PCSK2: variants seen among roughly 807,000 people sequenced by gnomAD.
PCSK2 encodes the protein neuroendocrine convertase 2.
In PCSK2, 14 loss-of-function variants were observed where a neutral mutation model predicts 69.7. That is an observed-to-expected ratio of 0.20 (90% confidence interval 0.13 to 0.31). The LOEUF (loss-of-function observed/expected upper bound fraction) is 0.31, where lower values mean the gene tolerates loss of function less well. Ranked by LOEUF, PCSK2 falls within the 10% of genes least tolerant of loss-of-function variation. PCSK2 has a pLI of 1.00. For missense variants in PCSK2, 544 were observed against 842.5 expected (o/e 0.65, Z 4.39); for synonymous variants, 307 against 320.7 (o/e 0.96, Z 0.46).
At chr20:17,473,759 G>A (rs1299115556) in intron 11 of PCSK2, among the ~76,000 whole-genome samples, 1 of 152,124 alleles carries the variant, frequency 6.6e-6, no homozygotes, top group Non-Finnish European at 1.5e-5. Flanking sequence ...ACCTGTGAGG[G>A]GAGAATGGTG....
In PCSK2 at chr20:17,437,781, C is replaced by G. The variant is rs556687006; in HGVS notation, c.885+898C>G. Among the ~76,000 whole-genome samples the G allele has an allele frequency of 3.3e-5, 5 of 152,350 alleles. No individual in the cohort carries two copies. In the South Asian group the frequency reaches 1.0e-3, roughly 32 times the overall value. ...GGATGCTCTGGGTCAGGAATTTGGACCGGGCACACTGGGGATGGCTCATCC... is the reference window on the plus strand; with the variant it reads ...GGATGCTCTGGGTCAGGAATTTGGAGCGGGCACACTGGGGATGGCTCATCC... On this transcript the variant is annotated intron_variant, in intron 8 of 11. Transcript: ENST00000262545.
At chr20:17,238,941 G>T (rs888996076) in intron 1 of PCSK2, among the ~76,000 whole-genome samples, 8 of 152,010 alleles carry the variant, frequency 5.3e-5, no homozygotes, top group African/African-American at 1.9e-4. Context: ...TAAATACTGA[G>T]AAAAAAATTT....
At chr20:17,314,850 AGT>A (rs745338883) in intron 2 of PCSK2, among the ~76,000 whole-genome samples, 32 of 152,344 alleles carry the variant, frequency 2.1e-4, no homozygotes, top group Non-Finnish European at 3.4e-4. Context: ...TACTAATAGA[AGT>A]GTGACTCCTT....
chr20:17,228,870 G>A (rs1416819917), intron 1 of PCSK2, among the ~76,000 whole-genome samples: 2 of 152,144 alleles, frequency 1.3e-5, no homozygotes, highest in Non-Finnish European at 2.9e-5. Flanking sequence ...GCGCGCGGGC[G>A]GGTCTTGCGG....
intron 5 of PCSK2, among the ~76,000 whole-genome samples, chr20:17,387,629 T>C (rs2031270989): frequency 6.6e-6 from 1 of 152,168 alleles, no homozygotes; most frequent in South Asian, 2.1e-4. Flanking sequence ...TACAATATCT[T>C]TTACGATCTA....
chr20:17,476,835 C>T (rs1166733223), intron 11 of PCSK2, among the ~76,000 whole-genome samples: 1 of 152,150 alleles, frequency 6.6e-6, no homozygotes, highest in African/African-American at 2.4e-5. Flanking sequence ...TTGAGAAATC[C>T]AGGTTATGGC....
chr20:17,432,944 A>T (rs2032398989), intron 7 of PCSK2, among the ~76,000 whole-genome samples: 1 of 152,186 alleles, frequency 6.6e-6, no homozygotes, highest in Admixed American at 6.5e-5. Flanking sequence ...CTCATGAAAG[A>T]GGACAGAGAG....
At chr20:17,457,794 G>A (rs1171995480) in intron 10 of PCSK2, among the ~76,000 whole-genome samples, 1 of 152,230 alleles carries the variant, frequency 6.6e-6, no homozygotes, top group Non-Finnish European at 1.5e-5. Flanking sequence ...CAGAGCCAGG[G>A]AACAGGAGTG....
intron 10 of PCSK2, among the ~76,000 whole-genome samples, chr20:17,460,255 A>G (rs987362417): frequency 1.3e-5 from 2 of 151,792 alleles, no homozygotes; most frequent in Admixed American, 6.6e-5. Flanking sequence ...GAGAGAGAGA[A>G]AGAAAGAGAA....
chr20:17,282,156 CAT>C (rs924294264), intron 2 of PCSK2, among the ~76,000 whole-genome samples: 11 of 151,548 alleles, frequency 7.3e-5, no homozygotes, highest in African/African-American at 2.2e-4. Flanking sequence ...TATATATTTA[CAT>C]ATATATATAT....
At chr20:17,270,414 T>C (rs775304418) in intron 2 of PCSK2, among the ~76,000 whole-genome samples, 3 of 152,086 alleles carry the variant, frequency 2.0e-5, no homozygotes, top group Admixed American at 6.6e-5. Flanking sequence ...CAGGAGAGGA[T>C]AACAGTGCAG....
intron 2 of PCSK2, among the ~76,000 whole-genome samples, chr20:17,334,364 G>GAATCCATGGTACAATGAGA: frequency 6.6e-6 from 1 of 152,118 alleles, no homozygotes; most frequent in South Asian, 2.1e-4. Flanking sequence ...CTGGAAATGA[G>GAATCCATGGTACAATGAGA]CATGGTACAA....
intron 2 of PCSK2, among the ~76,000 whole-genome samples, chr20:17,269,447 T>C (rs1408006524): frequency 6.6e-6 from 1 of 152,164 alleles, no homozygotes; most frequent in Non-Finnish European, 1.5e-5. Context: ...CTCGTCTACA[T>C]TTTACCATAG....
intron 8 of PCSK2, among the ~76,000 whole-genome samples, chr20:17,448,893 C>CTTTTTTT (rs11468966): frequency 2.2e-5 from 3 of 136,462 alleles, no homozygotes; most frequent in African/African-American, 2.7e-5. Context: ...ATGCACTTGC[C>CTTTTTTT]TTTTTTTTTT....
chr20:17,230,663 G>C (rs919898634), intron 1 of PCSK2, among the ~76,000 whole-genome samples: 1 of 151,878 alleles, frequency 6.6e-6, no homozygotes, highest in Non-Finnish European at 1.5e-5. Context: ...ATGGGTACGT[G>C]TATTTATGTC....
At chr20:17,336,908 C>A (rs893234635) in intron 2 of PCSK2, among the ~76,000 whole-genome samples, 3 of 152,050 alleles carry the variant, frequency 2.0e-5, no homozygotes, top group Non-Finnish European at 4.4e-5. Context: ...TTGGTTATAC[C>A]CTTGGAAATG....
chr20:17,259,069 T>C (rs1011842857), intron 1 of PCSK2, among the ~76,000 whole-genome samples: 1 of 152,058 alleles, frequency 6.6e-6, no homozygotes, highest in Non-Finnish European at 1.5e-5. Flanking sequence ...CTATGTGATC[T>C]AAAAATCTCA....
intron 6 of PCSK2, 120 bp from the exon 7 acceptor site, chr20:17,429,315 G>T: frequency 2.7e-6 from 2 of 735,078 alleles, no homozygotes; most frequent in Admixed American, 3.9e-5. Flanking sequence ...AGTGACACAG[G>T]GTTTACTTGT....
intron 1 of PCSK2, among the ~76,000 whole-genome samples, chr20:17,230,490 T>G (rs1162697240): frequency 6.6e-6 from 1 of 152,192 alleles, no homozygotes. Flanking sequence ...AACTGAAAAA[T>G]AATTGCTTTT....
Sources: allele counts gnomAD v4.1 joint callset (sites outside exome capture counted in the v4.1 genomes callset), GRCh38; gene constraint gnomAD v4.1.1; transcripts MANE v1.5; gene names NCBI Gene and HGNC (gene_info 2026-07-23, HGNC 2026-07-21).